The following APP variants were observed in gnomAD, a reference collection of about 807,000 sequenced individuals.
APP encodes the protein amyloid-beta precursor protein.
Under a neutral mutation model 101.4 loss-of-function variants are expected in APP, and 31 were observed. The ratio of observed to expected loss-of-function variants is 0.31; its 90% confidence interval spans 0.23 to 0.41. The LOEUF is 0.41. Among genes scored for constraint, APP ranks in the 10% least tolerant of loss-of-function variants. APP has a pLI of 1.00. For missense variants in APP, 839 were observed against 1,003.7 expected (o/e 0.84, Z 2.22); for synonymous variants, 366 against 364.4 (o/e 1.00, Z -0.05).
intron 14 of APP, among the ~76,000 whole-genome samples, chr21:25,906,848 G>T (rs1173232079): frequency 1.3e-5 from 2 of 151,878 alleles, no homozygotes; most frequent in Non-Finnish European, 2.9e-5. Context: ...GTACCTTGAA[G>T]TGGTGGTGAG....
chr21:26,153,843 G>C (rs902356474), intron 1 of APP, among the ~76,000 whole-genome samples: 10 of 152,148 alleles, frequency 6.6e-5, no homozygotes, highest in East Asian at 3.8e-4. Flanking sequence ...TAAAACCTAA[G>C]TTATATGACT....
At chr21:25,909,427 C>G (rs1348782359) in intron 14 of APP, among the ~76,000 whole-genome samples, 1 of 152,152 alleles carries the variant, frequency 6.6e-6, no homozygotes, top group Non-Finnish European at 1.5e-5. Context: ...ATACCAGATT[C>G]TACTGTTCAA....
Position 25,886,814 on chromosome 21 carries a change from C to T in APP, c.2211+4908G>A, listed in dbSNP as rs189670061. 5.9e-5 allele frequency among the ~76,000 whole-genome samples: 9 copies of T among 152,114 alleles called. No individual in the cohort carries two copies. The East Asian group carries it at 1.5e-3, about 26-fold the overall frequency. Reference sequence around the variant, plus strand: ...TCCTTATCGTGGCTTTCCATTCAACCTGACCACTCTCTCCAACTACTCTAC... The same window carrying T: ...TCCTTATCGTGGCTTTCCATTCAACTTGACCACTCTCTCCAACTACTCTAC... On this transcript the variant is annotated intron_variant, in intron 17 of 17. Transcript: ENST00000346798.
intron 14 of APP, among the ~76,000 whole-genome samples, chr21:25,908,658 T>G (rs1055855474): frequency 3.3e-5 from 5 of 149,904 alleles, no homozygotes; most frequent in African/African-American, 1.2e-4. Flanking sequence ...TGAGACAGGC[T>G]GATAAAGTCT....
chr21:26,061,927 T>C (rs1305175771), intron 3 of APP, among the ~76,000 whole-genome samples: 2 of 152,126 alleles, frequency 1.3e-5, no homozygotes, highest in African/African-American at 4.8e-5. Flanking sequence ...TAAGACAGAA[T>C]AGTGCTGGCC....
chr21:26,146,480 T>C (rs1279789501), intron 1 of APP, among the ~76,000 whole-genome samples: 2 of 152,230 alleles, frequency 1.3e-5, no homozygotes, highest in Non-Finnish European at 2.9e-5. Flanking sequence ...GGCTGTGTAT[T>C]TTTTCCTGTG....
intron 1 of APP, among the ~76,000 whole-genome samples, chr21:26,163,452 T>A (rs1241554334): frequency 6.6e-6 from 1 of 152,130 alleles, no homozygotes; most frequent in Non-Finnish European, 1.5e-5. Flanking sequence ...GATCCATTAA[T>A]TTACAAAACA....
At chr21:25,911,045 G>T (rs146532857) in intron 14 of APP, among the ~76,000 whole-genome samples, 1 of 152,134 alleles carries the variant, frequency 6.6e-6, no homozygotes, top group African/African-American at 2.4e-5. Flanking sequence ...TGAATTTTGT[G>T]CTTCCATTCC....
At chr21:25,983,197 C>T (rs1354791174) in intron 8 of APP, among the ~76,000 whole-genome samples, 1 of 152,148 alleles carries the variant, frequency 6.6e-6, no homozygotes, top group Non-Finnish European at 1.5e-5. Flanking sequence ...TATTATGTAA[C>T]TCATGAGCCA....
intron 8 of APP, among the ~76,000 whole-genome samples, chr21:25,987,130 G>A (rs541477180): frequency 1.6e-4 from 25 of 152,302 alleles, no homozygotes; most frequent in Middle Eastern, 3.4e-3. Flanking sequence ...ATGTCCGTTG[G>A]CTTGTTTTCT....
chr21:26,060,919 T>G (rs1478588440), intron 3 of APP, among the ~76,000 whole-genome samples: 1 of 152,188 alleles, frequency 6.6e-6, no homozygotes, highest in African/African-American at 2.4e-5. Flanking sequence ...CAGGGACAGC[T>G]GACTGCACGG....
intron 13 of APP, 101 bp downstream of exon 13, chr21:25,954,489 T>C (rs966671032): frequency 9.4e-7 from 1 of 1,058,464 alleles, no homozygotes; most frequent in East Asian, 2.6e-5. Flanking sequence ...CAAGCTGTTC[T>C]ATTAACTTCC....
chr21:26,010,049 A>G (rs955262755), intron 6 of APP: 2 of 151,052 alleles, frequency 1.3e-5, no homozygotes, highest in African/African-American at 2.5e-5. Context: ...GAAGACTGAC[A>G]TGTACACCTC....
intron 5 of APP, among the ~76,000 whole-genome samples, chr21:26,030,944 A>C (rs931822470): frequency 6.6e-6 from 1 of 152,194 alleles, no homozygotes; most frequent in Non-Finnish European, 1.5e-5. Flanking sequence ...AAGCAGACAA[A>C]ATTCCCTGCC....
At chr21:26,120,929 C>CA (rs1568999281) in intron 1 of APP, among the ~76,000 whole-genome samples, 2 of 152,194 alleles carry the variant, frequency 1.3e-5, no homozygotes, top group Non-Finnish European at 1.5e-5. Context: ...CACACTCCAT[C>CA]AAGCCATATG....
chr21:25,911,863 G>A lies in APP; in HGVS notation c.1787C>T (p.Ser596Phe). ...ISYGNDALMPSLTETKTTVEL... is the reference protein window; with the variant it reads ...ISYGNDALMPFLTETKTTVEL... ...CACGGTGGTTTTCGTTTCGGTCAAAGATGGCATGAGAGCATCGTTTCCGTA... is the reference window on the plus strand; with the variant it reads ...CACGGTGGTTTTCGTTTCGGTCAAAAATGGCATGAGAGCATCGTTTCCGTA... The change falls in exon 14 of 18, where the codon TCT becomes TTT. Residue 596 changes from serine (S) to phenylalanine (F), a missense_variant. By Grantham distance (155) the Ser-to-Phe change is radical. Transcript: ENST00000346798. The A allele has an allele frequency of 6.2e-7, 1 of 1,614,166 alleles. No individual in the cohort carries two copies. Among genetic ancestry groups the A allele is most frequent in the Non-Finnish European group, 8.5e-7 (1 of 1,180,014 alleles).
intron 2 of APP, among the ~76,000 whole-genome samples, chr21:26,091,243 T>G (rs1041770638): frequency 2.6e-5 from 4 of 152,074 alleles, no homozygotes; most frequent in African/African-American, 9.7e-5. Context: ...TGAGGGGAAT[T>G]AGACACAGGT....
intron 17 of APP, among the ~76,000 whole-genome samples, chr21:25,887,629 G>A (rs540339649): frequency 2.0e-5 from 3 of 150,942 alleles, no homozygotes; most frequent in South Asian, 2.1e-4. Context: ...TTTAGTCCAC[G>A]ACAGACCAAA....
At chr21:25,905,394 T>G (rs1037102020) in intron 14 of APP, among the ~76,000 whole-genome samples, 3 of 152,196 alleles carry the variant, frequency 2.0e-5, no homozygotes, top group Non-Finnish European at 2.9e-5. Flanking sequence ...AGTTTAGAGA[T>G]AGTTTCTTGG....
Sources: allele counts gnomAD v4.1 joint callset (sites outside exome capture counted in the v4.1 genomes callset), GRCh38; gene constraint gnomAD v4.1.1; transcripts MANE v1.5; gene names NCBI Gene and HGNC (gene_info 2026-07-23, HGNC 2026-07-21).